MACROD2: variants seen among roughly 807,000 people sequenced by gnomAD.
The protein encoded by MACROD2 is mono-ADP ribosylhydrolase 2, also known as ADP-ribose glycohydrolase MACROD2.
In MACROD2, 36 loss-of-function variants were observed where a neutral mutation model predicts 70.4. The ratio of observed to expected loss-of-function variants is 0.51; its 90% CI spans 0.39 to 0.68. The LOEUF is 0.68. Ranked by LOEUF, MACROD2 falls within the 30% of genes least tolerant of loss-of-function variation. MACROD2 has a pLI of 0.00. For missense variants in MACROD2, 496 were observed against 538.4 expected (o/e 0.92, Z 0.78); for synonymous variants, 172 against 178.8 (o/e 0.96, Z 0.30).
chr20:14,547,679 T>A (rs1312290581), intron 4 of MACROD2: 1 of 152,306 alleles, frequency 6.6e-6, no homozygotes, highest in Non-Finnish European at 1.5e-5. Flanking sequence ...CTGTTATTGC[T>A]TAACAAACCA....
chr20:14,325,606 C>T (rs763215176), intron 3 of MACROD2: 26 of 1,613,242 alleles, frequency 1.6e-5, no homozygotes, highest in Non-Finnish European at 1.9e-5. Flanking sequence ...TCTGTAGCTT[C>T]GGTTACTACT....
At chr20:15,837,629 C>T (rs978179199) in intron 8 of MACROD2, among the ~76,000 whole-genome samples, 1 of 152,118 alleles carries the variant, frequency 6.6e-6, no homozygotes, top group African/African-American at 2.4e-5. Flanking sequence ...CCTTTCATTT[C>T]TACCTCCAGA....
intron 12 of MACROD2, among the ~76,000 whole-genome samples, chr20:15,949,925 A>T (rs1377661792): frequency 3.3e-5 from 5 of 152,198 alleles, no homozygotes; most frequent in Non-Finnish European, 7.3e-5. Context: ...TTCTGTCTAC[A>T]AATTAAAATC....
chr20:14,105,637 AG>A (rs1457165308), intron 3 of MACROD2, among the ~76,000 whole-genome samples: 1 of 152,214 alleles, frequency 6.6e-6, no homozygotes, highest in African/African-American at 2.4e-5. Context: ...CCAGTGAACT[AG>A]GGTGGCATAT....
At chr20:14,120,912 G>A (rs573583562) in intron 3 of MACROD2, among the ~76,000 whole-genome samples, 1 of 151,102 alleles carries the variant, frequency 6.6e-6, no homozygotes, top group Non-Finnish European at 1.5e-5. Flanking sequence ...TGTTATGGGT[G>A]GGGGGTGAGG....
chr20:15,811,372 T>C (rs1236438481), intron 8 of MACROD2, among the ~76,000 whole-genome samples: 1 of 151,758 alleles, frequency 6.6e-6, no homozygotes, highest in Admixed American at 6.6e-5. Context: ...GAAATGCAAA[T>C]CAAAACCACA....
At chr20:15,434,783 C>A (rs749728073) in intron 7 of MACROD2, among the ~76,000 whole-genome samples, 1 of 152,074 alleles carries the variant, frequency 6.6e-6, no homozygotes, top group Non-Finnish European at 1.5e-5. Context: ...GCCCATCAAC[C>A]AATGAGTAGA....
chr20:14,157,307 A>G (rs1250237063), intron 3 of MACROD2, among the ~76,000 whole-genome samples: 1 of 152,108 alleles, frequency 6.6e-6, no homozygotes, highest in Non-Finnish European at 1.5e-5. Context: ...GGCACATGCA[A>G]AATTTCATTA....
At chr20:14,653,770 G>C (rs947656126) in intron 4 of MACROD2, among the ~76,000 whole-genome samples, 1 of 152,000 alleles carries the variant, frequency 6.6e-6, no homozygotes, top group Non-Finnish European at 1.5e-5. Context: ...CTTTATTCTG[G>C]CTGCAGGAGC....
At chr20:14,545,329 T>G (rs1255097199) in intron 4 of MACROD2, among the ~76,000 whole-genome samples, 1 of 152,182 alleles carries the variant, frequency 6.6e-6, no homozygotes, top group Admixed American at 6.5e-5. Context: ...AGTCCAGTTT[T>G]CATTCCTCTG....
intron 3 of MACROD2, among the ~76,000 whole-genome samples, chr20:14,231,398 T>C (rs1166230017): frequency 2.6e-5 from 4 of 152,164 alleles, no homozygotes; most frequent in Non-Finnish European, 5.9e-5. Flanking sequence ...GTTTGGTTTT[T>C]TTGTCCTTGC....
intron 5 of MACROD2, among the ~76,000 whole-genome samples, chr20:15,177,489 G>A (rs2076471010): frequency 6.6e-6 from 1 of 152,176 alleles, no homozygotes; most frequent in Non-Finnish European, 1.5e-5. Context: ...ACACATGTCA[G>A]AGCTGCTGCA....
intron 6 of MACROD2, among the ~76,000 whole-genome samples, chr20:15,392,377 A>G (rs764249723): frequency 1.1e-4 from 17 of 152,336 alleles, no homozygotes; most frequent in East Asian, 7.7e-4. Flanking sequence ...GGAAAAGCCA[A>G]TAATGTGACA....
chr20:15,087,938 A>G (rs989119996), intron 5 of MACROD2, among the ~76,000 whole-genome samples: 1 of 152,020 alleles, frequency 6.6e-6, no homozygotes, highest in Non-Finnish European at 1.5e-5. Flanking sequence ...AGTAAAGCAA[A>G]TTCAAATAAA....
intron 3 of MACROD2, among the ~76,000 whole-genome samples, chr20:14,228,338 CTTTTTT>C (rs11467676): frequency 1.5e-4 from 22 of 143,664 alleles, no homozygotes; most frequent in East Asian, 1.0e-3. Flanking sequence ...AAATATTTTT[CTTTTTT>C]TTTTTTTTTT....
At chr20:15,076,802 A>T (rs928213237) in intron 5 of MACROD2, among the ~76,000 whole-genome samples, 1 of 152,114 alleles carries the variant, frequency 6.6e-6, no homozygotes, top group African/African-American at 2.4e-5. Context: ...TTAGGATGTA[A>T]GCATTTAAAC....
intron 2 of MACROD2, among the ~76,000 whole-genome samples, chr20:14,057,391 A>G (rs896976807): frequency 2.0e-5 from 3 of 152,214 alleles, no homozygotes; most frequent in Admixed American, 6.5e-5. Context: ...TTATATCCAT[A>G]CTATGTAAAC....
At chr20:14,313,683 T>C (rs769613471) in intron 3 of MACROD2, among the ~76,000 whole-genome samples, 5 of 152,180 alleles carry the variant, frequency 3.3e-5, no homozygotes, top group Non-Finnish European at 7.4e-5. Flanking sequence ...TTTAAGTATA[T>C]TAGTAGACAT....
chr20:15,145,121 C>T (rs561505322), intron 5 of MACROD2, among the ~76,000 whole-genome samples: 20 of 152,170 alleles, frequency 1.3e-4, no homozygotes, highest in African/African-American at 3.4e-4. Context: ...AAACATACCC[C>T]GGGGTGAAGG....
Sources: gnomAD v4.1 joint callset for allele counts (sites outside exome capture counted in the v4.1 genomes callset) on GRCh38, gnomAD v4.1.1 for gene constraint, MANE v1.5 for transcripts, NCBI Gene and HGNC (gene_info 2026-07-23, HGNC 2026-07-21) for gene names.